Variants in SACM1L observed in about 807,000 individuals in gnomAD.
SACM1L encodes SAC1 like phosphatidylinositide phosphatase.
Under a neutral mutation model 89.5 loss-of-function variants are expected in SACM1L, and 32 were observed. The observed-to-expected ratio is 0.36, with a 90% CI of 0.27 to 0.48. The LOEUF is 0.48. SACM1L is among the 20% of genes least tolerant of loss of function. The pLI is 0.99. For synonymous variants in SACM1L, 213 were observed against 232.8 expected (o/e 0.92, Z 0.77); for missense variants, 543 against 708.5 (o/e 0.77, Z 2.65).
Position 45,713,148 on chromosome 3 carries a change from G to C in SACM1L, c.495G>C (p.Arg165=). The change falls in exon 6 of 20, where the codon CGG becomes CGC. Residue 165 remains arginine, a synonymous_variant. Transcript: ENST00000389061. The part of the protein sequence containing the change: ...EMSLLERADQ[R]FVWNGHLLRE... ...AAAACTTCTCTCAGGCAGATCAGCG[G>C]TTTGTATGGAATGGTCATCTTCTAA... 6.2e-7 allele frequency: 1 copy of C among 1,612,424 alleles called. No individual in the cohort carries two copies. Among genetic ancestry groups the C allele is most frequent in the Middle Eastern group, 1.7e-4 (1 of 6,050 alleles).
chr3:45,711,903 G>A (rs1698539796), intron 5 of SACM1L, among the ~76,000 whole-genome samples: 1 of 152,040 alleles, frequency 6.6e-6, no homozygotes, highest in African/African-American at 2.4e-5. Flanking sequence ...TATTTTTTTA[G>A]TTGCCACTCC....
At chr3:45,728,396 A>AT (rs1423242888) in intron 11 of SACM1L, among the ~76,000 whole-genome samples, 7 of 151,324 alleles carry the variant, frequency 4.6e-5, no homozygotes, top group East Asian at 3.9e-4. Context: ...TGCTTAGTTG[A>AT]TTTTTTTTGG....
At chr3:45,705,464 G>T (rs577892249) in intron 3 of SACM1L, among the ~76,000 whole-genome samples, 19 of 149,486 alleles carry the variant, frequency 1.3e-4, no homozygotes, top group African/African-American at 3.9e-4. Context: ...TCCTTAGCTA[G>T]ATAATTTTCA....
chr3:45,703,222 T>A (rs551078598), intron 1 of SACM1L, among the ~76,000 whole-genome samples: 18 of 152,274 alleles, frequency 1.2e-4, no homozygotes, highest in Non-Finnish European at 1.6e-4. Context: ...TATGTTAAAT[T>A]GATGGTTTCA....
At position 45,744,610 on chromosome 3, in the gene SACM1L, T is replaced by G. The variant is rs1699386147; in HGVS notation, c.*941T>G. On this transcript the variant is annotated 3_prime_UTR_variant, in exon 20 of 20. Coordinates refer to ENST00000389061, the MANE Select transcript of SACM1L (RefSeq NM_014016.5). ...ATGGTACTCTTGATGTTTTTCACTC[T>G]GTCAAGGATTTTGTTGGCTATCAAT... 6.6e-6 allele frequency: 1 copy of G among 152,660 alleles called. No homozygotes were observed. Among genetic ancestry groups the G allele is most frequent in the Non-Finnish European group, 1.5e-5 (1 of 68,042 alleles). 9.5% of individuals were successfully genotyped at this position (152,660 alleles called of 1,614,324 possible).
rs374190458 is a variant in SACM1L at position 45,703,500 on chromosome 3, C to G, written c.95C>G (p.Thr32Ser). The G allele has an allele frequency of 7.4e-6, 12 of 1,612,992 alleles. No individual in the cohort carries two copies. In the African/African-American group the frequency reaches 9.4e-5, roughly 13 times the overall value. Residue 32 changes from threonine to serine, a missense_variant, in exon 2 of 20, where the codon ACC (threonine) becomes AGC (serine). Thr to Ser is a moderately conservative substitution (Grantham distance 58). This residue lies in a region of SACM1L where 173 missense variants were observed against 180.9 expected (regional missense o/e 0.96). Transcript: ENST00000389061. ...ACDDGADDVL[T>S]IDRVSTEVTL... ...GATGATGGAGCAGATGACGTACTTA[C>G]CATTGACCGTGTGTCCACAGAGGTT...
intron 2 of SACM1L, among the ~76,000 whole-genome samples, chr3:45,704,875 T>C (rs2125686805): frequency 6.6e-6 from 1 of 152,348 alleles, no homozygotes; most frequent in African/African-American, 2.4e-5. Context: ...GACTATGTTA[T>C]TCCTAATGGG....
chr3:45,706,866 C>A lies in SACM1L; in HGVS notation c.292C>A (p.Leu98Ile), dbSNP rs981815895. ...VVWKATDFDVLSYKKTMLHLT... is the reference protein window; with the variant it reads ...VVWKATDFDVISYKKTMLHLT... ...CTGGAAAGCAACAGATTTTGATGTC[C>A]TTTCTTATAAGAAGACAATGTTGCA... The change falls in exon 4 of 20, where the codon CTT becomes ATT. Residue 98 changes from leucine (L) to isoleucine (I), a missense_variant. Transcript: ENST00000389061. 6.2e-7 allele frequency: 1 copy of A among 1,613,068 alleles called. No individual in the cohort carries two copies. The highest frequency in any genetic ancestry group is 1.7e-5 in the Admixed American group (1 of 59,830).
chr3:45,700,964 G>C (rs1026135160), intron 1 of SACM1L, among the ~76,000 whole-genome samples: 3 of 152,200 alleles, frequency 2.0e-5, no homozygotes, highest in Admixed American at 1.3e-4. Flanking sequence ...GAGCCACCGC[G>C]CCCAGCCTCT....
intron 5 of SACM1L, among the ~76,000 whole-genome samples, chr3:45,711,943 A>G (rs1342877005): frequency 6.6e-6 from 1 of 152,244 alleles, no homozygotes; most frequent in Non-Finnish European, 1.5e-5. Context: ...GTTTTGTTTT[A>G]GCAACTTGCC....
At chr3:45,743,454 A>G (rs1440005904) in intron 19 of SACM1L, 79 bp from the exon 20 acceptor site, 7 of 1,456,588 alleles carry the variant, frequency 4.8e-6, no homozygotes, top group Non-Finnish European at 6.4e-6. Context: ...TAATGTTGCC[A>G]AAATGTGCTA....
At position 45,743,950 on chromosome 3, in the gene SACM1L, T is replaced by G. The variant is rs1699371704; in HGVS notation, c.*281T>G. ...ATGGAAGCTGAATCTGTTCATTGTA[T>G]TCTATTGATTGTCAATTTAATTAGC... On this transcript the variant is annotated 3_prime_UTR_variant, in exon 20 of 20. Transcript: ENST00000389061. 2 of 258,544 alleles carry G rather than the reference T, an allele frequency of 7.7e-6. No individual in the cohort carries two copies. The highest frequency in any genetic ancestry group is 1.5e-5 in the Non-Finnish European group (2 of 137,548). 16.0% of individuals were successfully genotyped at this position (258,544 alleles called of 1,614,324 possible).
intron 11 of SACM1L, among the ~76,000 whole-genome samples, chr3:45,724,730 T>A (rs2742454): frequency 0.41 from 62,978 of 151,986 alleles, 14,875 homozygotes; most frequent in Middle Eastern, 0.56. Context: ...AACTTACCCC[T>A]ATATTTTCTT....
At chr3:45,689,554 C>T (rs1477084133) in intron 1 of SACM1L, 57 bp downstream of exon 1, 3 of 1,538,612 alleles carry the variant, frequency 1.9e-6, no homozygotes, top group East Asian at 4.9e-5. Context: ...AGGTGCGGGC[C>T]CTGGCCTCGG....
At chr3:45,723,233 A>G (rs190859631) in intron 10 of SACM1L, among the ~76,000 whole-genome samples, 2 of 152,264 alleles carry the variant, frequency 1.3e-5, no homozygotes, top group Admixed American at 1.3e-4. Context: ...GGTACTTAAT[A>G]TATTCCACTG....
At chr3:45,734,113 ATTT>A (rs377501431) in intron 13 of SACM1L, among the ~76,000 whole-genome samples, 5 of 132,088 alleles carry the variant, frequency 3.8e-5, no homozygotes, top group Middle Eastern at 3.9e-3. Context: ...CCATTTAAGA[ATTT>A]TTTTTTTTTT....
chr3:45,715,849 T>C (rs778816436), intron 7 of SACM1L, among the ~76,000 whole-genome samples: 6 of 152,114 alleles, frequency 3.9e-5, no homozygotes, highest in Non-Finnish European at 5.9e-5. Flanking sequence ...TTTTGTTTTT[T>C]GTTTTTTTTT....
intron 3 of SACM1L, among the ~76,000 whole-genome samples, chr3:45,705,792 C>T (rs1198163921): frequency 6.6e-6 from 1 of 152,094 alleles, no homozygotes; most frequent in Non-Finnish European, 1.5e-5. Flanking sequence ...GCATGAGCCA[C>T]CACGCCCATC....
intron 13 of SACM1L, chr3:45,734,570 C>T (rs929620521): frequency 6.6e-6 from 1 of 152,096 alleles, no homozygotes; most frequent in Non-Finnish European, 1.5e-5. Context: ...GATCCTCCCA[C>T]TTTAGCCTTC....
Sources: gnomAD v4.1 joint callset for allele counts (sites outside exome capture counted in the v4.1 genomes callset) on GRCh38, gnomAD v4.1.1 for gene constraint, gnomAD v4.1.1 regional missense constraint, MANE v1.5 for transcripts, NCBI Gene and HGNC (gene_info 2026-07-23, HGNC 2026-07-21) for gene names.